Variants in USP37 observed in about 807,000 individuals in gnomAD.
USP37 encodes the protein ubiquitin specific peptidase 37.
In USP37, 27 loss-of-function variants were observed where a neutral mutation model predicts 124.0. The observed-to-expected ratio is 0.22, with a 90% CI of 0.16 to 0.30. The LOEUF (loss-of-function observed/expected upper bound fraction) is 0.30, where lower values mean the gene tolerates loss of function less well. Ranked by LOEUF, USP37 falls within the 10% of genes least tolerant of loss-of-function variation. The probability of loss-of-function intolerance (pLI) is 1.00; values close to 1 mark genes in which losing one functional copy is unlikely to be tolerated. For missense variants in USP37, 889 were observed against 1,140.4 expected (o/e 0.78, Z 3.17); for synonymous variants, 365 against 388.0 (o/e 0.94, Z 0.70).
intron 22 of USP37, 115 bp downstream of exon 22, chr2:218,463,175 AACACACACACACACAC>A (rs3835979): frequency 0.025 from 13,038 of 528,812 alleles, 214 homozygotes; most frequent in African/African-American, 0.067. Flanking sequence ...CCCCACAATA[AACACACACACACACAC>A]ACACACACAC....
chr2:218,455,904 G>A (rs1689673930), intron 24 of USP37, among the ~76,000 whole-genome samples, 186 bp from the exon 25 acceptor site: 1 of 152,120 alleles, frequency 6.6e-6, no homozygotes, highest in African/African-American at 2.4e-5. Flanking sequence ...AAATTAGCCA[G>A]GCATGGTGGC....
intron 1 of USP37, among the ~76,000 whole-genome samples, chr2:218,565,449 A>T (rs1693542213): frequency 6.6e-6 from 1 of 152,238 alleles, no homozygotes; most frequent in South Asian, 2.1e-4. Context: ...AAGCTGACCT[A>T]AAGTTTATCT....
chr2:218,508,704 ACT>A (rs1443733620), intron 11 of USP37, among the ~76,000 whole-genome samples: 1 of 152,208 alleles, frequency 6.6e-6, no homozygotes, highest in East Asian at 1.9e-4. Flanking sequence ...TAAGCATTTG[ACT>A]GGAAAGCAAA....
intron 8 of USP37, among the ~76,000 whole-genome samples, chr2:218,545,737 T>C (rs1037673322): frequency 2.0e-5 from 3 of 152,100 alleles, no homozygotes; most frequent in African/African-American, 7.2e-5. Context: ...GCGAGCACCC[T>C]GGGTTGATCT....
intron 10 of USP37, among the ~76,000 whole-genome samples, chr2:218,527,170 G>A (rs1053519893): frequency 6.6e-6 from 1 of 152,100 alleles, no homozygotes; most frequent in African/African-American, 2.4e-5. Context: ...CTGCCTGGCC[G>A]TCTACCCTGC....
chr2:218,535,210 A>G (rs569329625), intron 8 of USP37, among the ~76,000 whole-genome samples: 6 of 151,866 alleles, frequency 4.0e-5, no homozygotes, highest in Non-Finnish European at 8.8e-5. Flanking sequence ...CTAAAAATAC[A>G]AAAATTAGCC....
At chr2:218,515,977 C>T (rs557132664) in intron 10 of USP37, among the ~76,000 whole-genome samples, 1 of 152,146 alleles carries the variant, frequency 6.6e-6, no homozygotes, top group East Asian at 1.9e-4. Context: ...CAAATCAAAA[C>T]CACAATGAGA....
intron 6 of USP37, among the ~76,000 whole-genome samples, chr2:218,548,530 G>A (rs1028702653): frequency 3.3e-5 from 5 of 151,626 alleles, no homozygotes; most frequent in Non-Finnish European, 7.4e-5. Flanking sequence ...TTTTTGTAGA[G>A]ACAGGGTTTC....
intron 9 of USP37, among the ~76,000 whole-genome samples, chr2:218,532,466 CAAAAAAA>C (rs35277725): frequency 8.7e-6 from 1 of 115,398 alleles, no homozygotes. Flanking sequence ...GACTCTGTCT[CAAAAAAA>C]AAAAAAAAAA....
intron 11 of USP37, among the ~76,000 whole-genome samples, chr2:218,499,091 G>T (rs542054000): frequency 6.6e-6 from 1 of 152,078 alleles, no homozygotes; most frequent in Non-Finnish European, 1.5e-5. Flanking sequence ...TGGCTAACAC[G>T]GTGAAACCCT....
At chr2:218,459,163 T>A (rs142916930) in intron 23 of USP37, among the ~76,000 whole-genome samples, 1 of 152,194 alleles carries the variant, frequency 6.6e-6, no homozygotes, top group East Asian at 1.9e-4. Flanking sequence ...TTTTTGGTAT[T>A]TAATTATAAA....
chr2:218,519,178 T>C (rs920491980), intron 10 of USP37, among the ~76,000 whole-genome samples: 1 of 152,240 alleles, frequency 6.6e-6, no homozygotes, highest in African/African-American at 2.4e-5. Context: ...TTGTAAATAC[T>C]AATGTGAAAA....
rs374899044 is a variant in USP37, at chr2:218,455,629, C to T, written c.2803G>A (p.Val935Met). The T allele has an allele frequency of 1.1e-5, 17 of 1,614,048 alleles. No individual in the cohort carries two copies. Among genetic ancestry groups the T allele is most frequent in the Non-Finnish European group, 1.3e-5 (15 of 1,180,048 alleles). The change falls in exon 25 of 26, where the codon GTG (valine) becomes ATG (methionine). Residue 935 changes from valine to methionine, a missense_variant. Around this residue, in one of 3 missense-constraint regions of USP37, gnomAD observed 504 missense variants for 714.3 expected, o/e 0.71. Transcript: ENST00000258399. ...CCACTCCGATCTCGATCACTCTGCACGGCAGCCTCTTGGATTTTTGATACC... is the reference window on the plus strand; with the variant it reads ...CCACTCCGATCTCGATCACTCTGCATGGCAGCCTCTTGGATTTTTGATACC... ...LEVSKIQEAA[V>M]QSDRDRSGYI... is the part of the protein sequence containing the mutation.
In USP37 at chr2:218,558,636, T is replaced by C. The variant is rs542019194; in HGVS notation, c.18A>G (p.Ile6Met). 6.2e-7 allele frequency: 1 copy of C among 1,610,358 alleles called. No individual in the cohort carries two copies. Among genetic ancestry groups the C allele is most frequent in the African/African-American group, 1.3e-5 (1 of 74,928 alleles). The change falls in exon 4 of 26, where the codon ATA (isoleucine) becomes ATG (methionine). Residue 6 changes from isoleucine to methionine, a missense_variant. Coordinates refer to ENST00000258399, the MANE Select transcript of USP37 (RefSeq NM_020935.3). MSPLK[I>M]HGPIRIRSMQ... ...TACTTCGAATTCTGATAGGACCATG[T>C]ATCTTCAGAGGAGACATATTTTCTT...
At chr2:218,536,922 T>C (rs1438694324) in intron 8 of USP37, among the ~76,000 whole-genome samples, 1 of 152,122 alleles carries the variant, frequency 6.6e-6, no homozygotes, top group Non-Finnish European at 1.5e-5. Context: ...TGAATTAGGA[T>C]GAAATAAGGT....
intron 14 of USP37, 52 bp downstream of exon 14, chr2:218,495,708 T>G: frequency 6.5e-7 from 1 of 1,528,846 alleles, no homozygotes; most frequent in Non-Finnish European, 8.8e-7. Flanking sequence ...AGAATTTTAA[T>G]CACTTGCCAT....
intron 11 of USP37, 107 bp from the exon 12 acceptor site, chr2:218,498,264 G>T: frequency 1.7e-6 from 2 of 1,193,032 alleles, no homozygotes; most frequent in Non-Finnish European, 2.3e-6. Context: ...TGGAGGGCTT[G>T]TTAAACTACA....
At chr2:218,514,116 G>C (rs1434490304) in intron 10 of USP37, 12 of 152,034 alleles carry the variant, frequency 7.9e-5, no homozygotes, top group Admixed American at 7.9e-4. Flanking sequence ...ACTGCACCTC[G>C]CCTGAAACAG....
intron 10 of USP37, among the ~76,000 whole-genome samples, chr2:218,513,427 T>C (rs1690110148): frequency 6.6e-6 from 1 of 152,192 alleles, no homozygotes; most frequent in Non-Finnish European, 1.5e-5. Context: ...ATGCACACAT[T>C]TAAAGTGTAT....
Sources: allele counts gnomAD v4.1 joint callset (sites outside exome capture counted in the v4.1 genomes callset), GRCh38; gene constraint gnomAD v4.1.1; regional missense constraint gnomAD v4.1.1; transcripts MANE v1.5; gene names NCBI Gene and HGNC (gene_info 2026-07-23, HGNC 2026-07-21).